ATL3: variants seen among roughly 807,000 people sequenced by gnomAD.
ATL3 encodes atlastin GTPase 3.
Under a neutral mutation model 69.5 loss-of-function variants are expected in ATL3, and 49 were observed. The ratio of observed to expected loss-of-function variants is 0.71; its 90% CI spans 0.56 to 0.89. The LOEUF is 0.89. Among genes scored for constraint, ATL3 ranks in the 40% least tolerant of loss-of-function variants. The pLI, the probability that ATL3 is intolerant of heterozygous loss-of-function variation, is 0.00. For synonymous variants in ATL3, 214 were observed against 224.1 expected, an observed-to-expected ratio of 0.95 and a Z score of 0.40; for missense variants, 606 against 645.7, an observed-to-expected ratio of 0.94 and a Z score of 0.67.
chr11:63,645,959 G>T (rs763167510), intron 6 of ATL3, among the ~76,000 whole-genome samples: 33 of 151,964 alleles, frequency 2.2e-4, no homozygotes, highest in Non-Finnish European at 4.4e-4. Flanking sequence ...GTAGAGACAG[G>T]TTCCATGTTG....
rs759079163 is a variant in ATL3, at chr11:63,652,577, T to TA, written c.406-3dup. The TA allele has an allele frequency of 3.9e-5, 62 of 1,589,592 alleles. No individual in the cohort carries two copies. Among genetic ancestry groups the TA allele is most frequent in the Middle Eastern group, 3.3e-4 (2 of 5,990 alleles). On this transcript the variant is annotated splice_region_variant and splice_polypyrimidine_tract_variant and intron_variant, in intron 3 of 12. Transcript: ENST00000398868. ...GGTATCCATCAGAACAACTGCAACC[T>TA]AAAAAAAAGGAAAATACAAACAAAA...
intron 6 of ATL3, among the ~76,000 whole-genome samples, chr11:63,645,419 G>T (rs1405533528): frequency 2.0e-5 from 3 of 151,718 alleles, no homozygotes; most frequent in Non-Finnish European, 4.4e-5. Context: ...AAATAAATTA[G>T]AAAAGAAAAG....
rs372124625 is a variant in ATL3 at position 63,629,389 on chromosome 11, C to T, written c.1556G>A (p.Gly519Asp). 1 of 1,613,952 alleles carries T rather than the reference C, an allele frequency of 6.2e-7. No individual in the cohort carries two copies. The highest frequency in any genetic ancestry group is 1.3e-5 in the African/African-American group (1 of 74,892). Residue 519 changes from glycine (G) to aspartate (D), a missense_variant, in exon 13 of 13, where the codon GGT becomes GAT. Physicochemically the swap from Gly to Asp is moderately conservative, Grantham distance 94 (BLOSUM62 -1). Coordinates refer to ENST00000398868, the MANE Select transcript of ATL3 (RefSeq NM_015459.5). The stretch of plus-strand genomic sequence containing the variant: ...CCTCACAGTGGCCTGAGTGGAATTA[C>T]CGATATGAGAAGAAGCCTGCAAAAG... ...YVLEQASSHI[G>D]NSTQATVRDA... is the part of the protein sequence containing the mutation.
Position 63,625,284 on chromosome 11 carries a change from G to C in ATL3, c.*4035C>G, listed in dbSNP as rs11545127. 1 of 152,110 alleles carries C rather than the reference G, an allele frequency of 6.6e-6. No homozygotes were observed. The allele number at this position is 152,110 out of a possible 1,614,324, so 9.4% of individuals were successfully genotyped here. ...TGTTAAATAAAACATATGTAAGCCA[G>C]AATGACACAGCCATGTTGACAACTT... is the stretch of plus-strand genomic sequence containing the variant. On this transcript the variant is annotated 3_prime_UTR_variant, in exon 13 of 13. Coordinates refer to ENST00000398868, the MANE Select transcript of ATL3 (RefSeq NM_015459.5).
At chr11:63,635,680 AT>A (rs1178144945) in intron 9 of ATL3, 90 bp from the exon 10 acceptor site, 2 of 1,021,884 alleles carry the variant, frequency 2.0e-6, no homozygotes, top group Non-Finnish European at 1.5e-6. Context: ...ATACAACTGC[AT>A]TTTCCTAAAG....
At chr11:63,644,333 C>T (rs1939796438) in intron 6 of ATL3, 72 bp from the exon 7 acceptor site, 1 of 827,528 alleles carries the variant, frequency 1.2e-6, no homozygotes, top group African/African-American at 1.8e-5. Context: ...TGCAATACAT[C>T]TTTGCATAAT....
chr11:63,643,248 T>C (rs1939757126), intron 8 of ATL3, 109 bp downstream of exon 8: 1 of 1,231,198 alleles, frequency 8.1e-7, no homozygotes, highest in Admixed American at 2.6e-5. Context: ...TACTACTCTT[T>C]CTAAGAGAGC....
intron 1 of ATL3, among the ~76,000 whole-genome samples, chr11:63,660,486 A>G (rs956509040): frequency 6.6e-6 from 1 of 152,210 alleles, no homozygotes; most frequent in Non-Finnish European, 1.5e-5. Context: ...ACAAAATACT[A>G]AAGCCACTTC....
chr11:63,642,405 G>C (rs1939728558), intron 8 of ATL3, among the ~76,000 whole-genome samples: 1 of 152,096 alleles, frequency 6.6e-6, no homozygotes, highest in African/African-American at 2.4e-5. Flanking sequence ...AAATCAAATA[G>C]GTTGGAAATG....
At chr11:63,659,866 G>C (rs1023904457) in intron 1 of ATL3, among the ~76,000 whole-genome samples, 9 of 152,004 alleles carry the variant, frequency 5.9e-5, no homozygotes, top group African/African-American at 2.2e-4. Flanking sequence ...GAAACTGGGA[G>C]GCAGAGGTTG....
rs981122429 is a variant in ATL3, at chr11:63,624,353, T to C, written c.*4966A>G. 1 of 152,196 alleles carries C rather than the reference T, an allele frequency of 6.6e-6. No individual in the cohort carries two copies. The highest frequency in any genetic ancestry group is 2.4e-5 in the African/African-American group (1 of 41,436). The allele number at this position is 152,196 out of a possible 1,614,324, so 9.4% of individuals were successfully genotyped here. A position where few individuals can be genotyped will look rare whatever the true frequency, so the allele number is the denominator to read the frequency against. The stretch of plus-strand genomic sequence containing the variant: ...TACATCCATGACAGCATGTATCTAA[T>C]TAGAAAGCTATGGGAATCAATGCTA... On this transcript the variant is annotated 3_prime_UTR_variant, in exon 13 of 13. Coordinates refer to ENST00000398868, the MANE Select transcript of ATL3 (RefSeq NM_015459.5).
intron 1 of ATL3, among the ~76,000 whole-genome samples, chr11:63,665,200 C>G (rs1024535883): frequency 1.1e-4 from 16 of 152,048 alleles, no homozygotes; most frequent in Admixed American, 2.0e-4. Flanking sequence ...ACAAAATTAG[C>G]TGGGCGTGGT....
At chr11:63,658,963 A>C in intron 2 of ATL3, 59 bp from the exon 3 acceptor site, 1 of 1,596,272 alleles carries the variant, frequency 6.3e-7, no homozygotes, top group Non-Finnish European at 8.6e-7. Flanking sequence ...CATCAAGGAT[A>C]ATCTATGAGC....
upstream of ATL3, chr11:63,671,443 C>G (rs1490538342): frequency 1.3e-6 from 2 of 1,490,128 alleles, no homozygotes; most frequent in Non-Finnish European, 1.8e-6. Flanking sequence ...AGCCTGGGCT[C>G]TAGAAAAAAC....
chr11:63,636,261 T>C lies in ATL3; in HGVS notation c.924A>G (p.Glu308=). The C allele has an allele frequency of 1.2e-6, 2 of 1,614,148 alleles. No individual in the cohort carries two copies. Among genetic ancestry groups the C allele is most frequent in the Non-Finnish European group, 1.7e-6 (2 of 1,180,028 alleles). ...TGACCTTTGAGCCATTGATCTCCTT[T>C]TCCATTAACTTAGATGGGTTTAATA... is the stretch of plus-strand genomic sequence containing the variant. ...PYVLNPSKLM[E]KEINGSKVTC... Residue 308 remains glutamate, a synonymous_variant, in exon 9 of 13, where the codon GAA becomes GAG. Coordinates refer to ENST00000398868, the MANE Select transcript of ATL3 (RefSeq NM_015459.5).
chr11:63,660,783 A>G (rs1940395662), intron 1 of ATL3, among the ~76,000 whole-genome samples: 1 of 152,124 alleles, frequency 6.6e-6, no homozygotes, highest in Non-Finnish European at 1.5e-5. Flanking sequence ...ACAGTCCAAA[A>G]GTGGAAATAA....
intron 11 of ATL3, chr11:63,632,450 C>A: frequency 1.2e-6 from 1 of 830,216 alleles, no homozygotes; most frequent in Middle Eastern, 2.7e-4. Context: ...CCAAGTGATC[C>A]AACATCAAAT....
intron 8 of ATL3, among the ~76,000 whole-genome samples, chr11:63,639,690 G>A (rs1177207843): frequency 1.3e-5 from 2 of 152,126 alleles, no homozygotes; most frequent in Non-Finnish European, 2.9e-5. Context: ...GGGAGTTAGA[G>A]GCTACAGTGA....
chr11:63,633,050 G>A lies in ATL3; in HGVS notation c.1083C>T (p.Asp361=), dbSNP rs772075062. Residue 361 remains aspartate, a synonymous_variant, in exon 11 of 13, where the codon GAC becomes GAT. Coordinates refer to ENST00000398868, the MANE Select transcript of ATL3 (RefSeq NM_015459.5). ...CCTCTTCCATGTTGTTATAATAAAT[G>A]TCCTTGGCAGAGGCTGCAGCTGCTA... ...NNLAAAASAK[D]IYYNNMEEVC... is the part of the protein sequence containing the mutation. 6.2e-7 allele frequency: 1 copy of A among 1,614,156 alleles called. No individual in the cohort carries two copies. Among genetic ancestry groups the A allele is most frequent in the Non-Finnish European group, 8.5e-7 (1 of 1,180,000 alleles).
Sources: gnomAD v4.1 joint callset for allele counts (sites outside exome capture counted in the v4.1 genomes callset) on GRCh38, gnomAD v4.1.1 for gene constraint, MANE v1.5 for transcripts, NCBI Gene and HGNC (gene_info 2026-07-23, HGNC 2026-07-21) for gene names.